TSC2: variants seen among roughly 807,000 people sequenced by gnomAD.
The protein encoded by TSC2 is TSC complex subunit 2.
In TSC2, 29 loss-of-function variants were observed where a neutral mutation model predicts 202.2. The observed-to-expected ratio is 0.14, with a 90% CI of 0.11 to 0.20. The LOEUF is 0.20. Ranked by LOEUF, TSC2 falls within the 10% of genes least tolerant of loss-of-function variation. TSC2 has a pLI of 1.00. For missense variants in TSC2, 2,429 were observed against 2,420.0 expected, an observed-to-expected ratio of 1.00 and a Z score of -0.08; for synonymous variants, 1,349 against 1,044.0, an observed-to-expected ratio of 1.29 and a Z score of -5.63.
Position 2,084,996 on chromosome 16 carries a change from G to A in TSC2, c.4539G>A (p.Glu1513=), listed in dbSNP as rs1322800885. Residue 1513 remains glutamate (E), a synonymous_variant, in exon 35 of 42, where the codon GAG becomes GAA. Coordinates refer to ENST00000219476, the MANE Select transcript of TSC2 (RefSeq NM_000548.5). ...ACCATTCCCCCTTCTTTGGCGACGA[G>A]TCAAACAAGCCAATCCTGCTGCCCA... The part of the protein sequence containing the change: ...QLYHSPFFGD[E]SNKPILLPNE... 3.1e-6 allele frequency: 5 copies of A among 1,613,124 alleles called. No individual in the cohort carries two copies. The African/African-American group carries it at 5.3e-5, about 17-fold the overall frequency.
At chr16:2,060,153 C>T (rs756969824) in intron 10 of TSC2, among the ~76,000 whole-genome samples, 4 of 152,166 alleles carry the variant, frequency 2.6e-5, no homozygotes, top group Admixed American at 2.6e-4. Flanking sequence ...CTTCAGTTTC[C>T]GCAGTGCCCC....
intron 2 of TSC2, among the ~76,000 whole-genome samples, chr16:2,049,231 A>G (rs3760042): frequency 0.42 from 64,128 of 151,740 alleles, 15,682 homozygotes; most frequent in East Asian, 0.8. Context: ...GACTACAGAC[A>G]CGTGCCACCA....
rs2151106023 is a variant in TSC2, at chr16:2,058,766, C to G, written c.868C>G (p.Pro290Ala). ...TTTTAGAGCCTACATGGAGGACGCG[C>G]CCCTGCTGAGAGGAGCCGTGTTTTT... ...MEDRAYMEDAPLLRGAVFFVG... is the reference protein window; with the variant it reads ...MEDRAYMEDAALLRGAVFFVG... The change falls in exon 10 of 42, where the codon CCC (proline) becomes GCC (alanine). Residue 290 changes from proline (P) to alanine (A), a missense_variant. Physicochemically the swap from Pro to Ala is conservative, Grantham distance 27. Transcript: ENST00000219476. 6.3e-7 allele frequency: 1 copy of G among 1,587,560 alleles called. No homozygotes were observed. The highest frequency in any genetic ancestry group is 8.6e-7 in the Non-Finnish European group (1 of 1,166,506).
In TSC2 at chr16:2,057,043, G is replaced by A. The variant is rs1003948508; in HGVS notation, c.775-62G>A. 1.5e-4 allele frequency: 229 copies of A among 1,543,030 alleles called. 1 individual carries two copies. The highest frequency in any genetic ancestry group is 1.2e-3 in the Admixed American group (60 of 51,000). The stretch of plus-strand genomic sequence containing the variant: ...GCAGCAGCCAGGCGGGGCCAGCAGC[G>A]GGACTGGGGCTGGGGGCAGGGCTTA... On this transcript the variant is annotated intron_variant, in intron 8 of 41. Transcript: ENST00000219476.
At chr16:2,068,872 C>CAAAAAAA (rs71148120) in intron 16 of TSC2, 1 of 90,254 alleles carries the variant, frequency 1.1e-5, no homozygotes, top group Admixed American at 1.3e-4. Flanking sequence ...GACTCCGTCT[C>CAAAAAAA]AAAAAAAAAA....
chr16:2,065,757 G>T, intron 16 of TSC2, 122 bp downstream of exon 16: 2 of 877,074 alleles, frequency 2.3e-6, no homozygotes, highest in Non-Finnish European at 1.9e-6. Context: ...GATTTGCTGA[G>T]GGTGCGGTGG....
intron 30 of TSC2, chr16:2,080,618 G>C (rs1025102510): frequency 7.4e-6 from 4 of 540,992 alleles, no homozygotes; most frequent in Middle Eastern, 1.0e-3. Context: ...CGAGTAGCTG[G>C]GACCACAGGC....
In TSC2 at chr16:2,052,546, G is replaced by A. The variant is rs541925132; in HGVS notation, c.226-796G>A. Among the ~76,000 whole-genome samples, 11 of 152,294 alleles carry A rather than the reference G, an allele frequency of 7.2e-5. No homozygotes were observed. In the East Asian group the frequency reaches 9.6e-4, roughly 13 times the overall value. Reference sequence around the variant, plus strand: ...GCTAGTCTGAAACTCCTGGGCTGACGTGACCCTCTCCCCTCTGCCACCCGA... The same window carrying A: ...GCTAGTCTGAAACTCCTGGGCTGACATGACCCTCTCCCCTCTGCCACCCGA... On this transcript the variant is annotated intron_variant, in intron 3 of 41. Transcript: ENST00000219476.
rs1287154411 is a variant in TSC2 at position 2,088,643 on chromosome 16, A to G, written c.*33A>G. 1.3e-6 allele frequency: 2 copies of G among 1,587,698 alleles called. No homozygotes were observed. The highest frequency in any genetic ancestry group is 1.7e-5 in the Admixed American group (1 of 57,970). On this transcript the variant is annotated 3_prime_UTR_variant, in exon 42 of 42. Transcript: ENST00000219476. ...GCCCTCCCTCCTGCACTGGCCTTGGACGGTATTGCCTGTCAGTGAAATAAA... is the reference window on the plus strand; with the variant it reads ...GCCCTCCCTCCTGCACTGGCCTTGGGCGGTATTGCCTGTCAGTGAAATAAA...
intron 20 of TSC2, 111 bp downstream of exon 20, chr16:2,072,474 C>G (rs1567468528): frequency 6.6e-7 from 1 of 1,505,580 alleles, no homozygotes; most frequent in South Asian, 1.2e-5. Context: ...GGCTCCATTT[C>G]CCTCAAACTC....
chr16:2,065,438 G>T, intron 15 of TSC2, 81 bp from the exon 16 acceptor site: 17 of 803,220 alleles, frequency 2.1e-5, no homozygotes, highest in East Asian at 5.2e-5. Flanking sequence ...AAAAAAAAAG[G>T]TGTTTGTGGT....
chr16:2,087,140 G>T, intron 38 of TSC2: 1 of 543,364 alleles, frequency 1.8e-6, no homozygotes, highest in South Asian at 2.0e-5. Flanking sequence ...TGTAGTTGGT[G>T]CTTCCTGTCT....
chr16:2,060,579 G>T, intron 10 of TSC2, 91 bp from the exon 11 acceptor site: 4 of 1,604,918 alleles, frequency 2.5e-6, no homozygotes, highest in Non-Finnish European at 3.4e-6. Flanking sequence ...GCGCTCAGGC[G>T]TGCTACTCTC....
Position 2,088,583 on chromosome 16 carries a change from G to A in TSC2, c.5397G>A (p.Ser1799=), listed in dbSNP as rs1051771. ...GCCAGCGGAAGCGCCTCATCTCCTC[G>A]GTGGAGGACTTCACCGAGTTTGTGT... ...EVGQRKRLIS[S]VEDFTEFV Residue 1799 remains serine (S), a synonymous_variant, in exon 42 of 42, where the codon TCG becomes TCA. Coordinates refer to ENST00000219476, the MANE Select transcript of TSC2 (RefSeq NM_000548.5). The A allele has an allele frequency of 1.5e-4, 241 of 1,607,358 alleles. No homozygotes were observed. Among genetic ancestry groups the A allele is most frequent in the Non-Finnish European group, 2.0e-4 (232 of 1,179,856 alleles).
At chr16:2,071,338 G>C (rs532002248) in intron 17 of TSC2, 172 bp from the exon 18 acceptor site, 2 of 691,332 alleles carry the variant, frequency 2.9e-6, no homozygotes, top group Non-Finnish European at 2.6e-6. Context: ...CTGGGCCTCC[G>C]GTGTCACCAG....
In TSC2 at chr16:2,055,628, C is replaced by A. The variant is rs1283856236; in HGVS notation, c.599+109C>A. 3.7e-5 allele frequency: 40 copies of A among 1,076,098 alleles called. No homozygotes were observed. In the Admixed American group the frequency reaches 6.6e-4, roughly 18 times the overall value. The allele number at this position is 1,076,098 out of a possible 1,614,324, so 66.7% of individuals were successfully genotyped here. A position where few individuals can be genotyped will look rare whatever the true frequency, so the allele number is the denominator to read the frequency against. On this transcript the variant is annotated intron_variant, in intron 6 of 41. Coordinates refer to ENST00000219476, the MANE Select transcript of TSC2 (RefSeq NM_000548.5). ...AGAGGTTGGGCTGGGCACAATGGCT[C>A]ACGCCTGTAATCTCAGCACTTTGGG...
In TSC2 at chr16:2,071,501, TC is replaced by T; in HGVS notation, c.1840-7del. ...TTGGCTCTGGCTTTCACCATCCTCT[TC>T]CTGACAGGCCTTTGACTTCCTGTTG... On this transcript the variant is annotated splice_region_variant and splice_polypyrimidine_tract_variant and intron_variant, in intron 17 of 41. Coordinates refer to ENST00000219476, the MANE Select transcript of TSC2 (RefSeq NM_000548.5). 1 of 1,613,540 alleles carries T rather than the reference TC, an allele frequency of 6.2e-7. No homozygotes were observed. The highest frequency in any genetic ancestry group is 8.5e-7 in the Non-Finnish European group (1 of 1,179,994).
In TSC2 at chr16:2,080,187, C is replaced by G. The variant is rs373968155; in HGVS notation, c.3420C>G (p.Gly1140=). 4 of 1,612,952 alleles carry G rather than the reference C, an allele frequency of 2.5e-6. No individual in the cohort carries two copies. The highest frequency in any genetic ancestry group is 3.4e-6 in the Non-Finnish European group (4 of 1,179,988). ...SMSGGHGLRV[G]ALDVPASQFL... is the part of the protein sequence containing the mutation. ...CAGGGGGCCATGGTCTTCGAGTTGG[C>G]GCCCTGGACGTGCCGGCCTCCCAGT... The change falls in exon 30 of 42, where the codon GGC becomes GGG. Residue 1140 remains glycine (G), a synonymous_variant. Coordinates refer to ENST00000219476, the MANE Select transcript of TSC2 (RefSeq NM_000548.5).
chr16:2,054,212 G>T, intron 4 of TSC2, 84 bp from the exon 5 acceptor site: 1 of 1,607,586 alleles, frequency 6.2e-7, no homozygotes, highest in Non-Finnish European at 8.5e-7. Flanking sequence ...CTGGAGTCCG[G>T]GTGCCCCTGC....
Sources: gnomAD v4.1 joint callset for allele counts (sites outside exome capture counted in the v4.1 genomes callset) on GRCh38, gnomAD v4.1.1 for gene constraint, MANE v1.5 for transcripts, NCBI Gene and HGNC (gene_info 2026-07-23, HGNC 2026-07-21) for gene names.